GABRR1: variants seen among roughly 807,000 people sequenced by gnomAD.
GABRR1 encodes the protein gamma-aminobutyric acid receptor subunit rho-1.
In GABRR1, 59 loss-of-function variants were observed where a neutral mutation model predicts 55.5. The ratio of observed to expected loss-of-function variants is 1.06; its 90% CI spans 0.86 to 1.32. The LOEUF (loss-of-function observed/expected upper bound fraction) is 1.32. GABRR1 is among the 40% of genes most tolerant of loss of function. The pLI, the probability that GABRR1 is intolerant of heterozygous loss-of-function variation, is 0.00. For missense variants in GABRR1, 602 were observed against 619.1 expected (o/e 0.97, Z 0.29); for synonymous variants, 213 against 226.0 (o/e 0.94, Z 0.51).
intron 6 of GABRR1, among the ~76,000 whole-genome samples, chr6:89,187,213 G>A (rs1771932692): frequency 6.6e-6 from 1 of 152,026 alleles, no homozygotes; most frequent in Admixed American, 6.6e-5. Flanking sequence ...TGGGGGGTGT[G>A]TGTGTGTGTG....
chr6:89,184,885 C>CTTTTT (rs754802888), intron 7 of GABRR1, among the ~76,000 whole-genome samples: 4 of 123,736 alleles, frequency 3.2e-5, no homozygotes, highest in Non-Finnish European at 3.3e-5. Context: ...TCTTTTCTTT[C>CTTTTT]TTTTTTTTTT....
chr6:89,194,012 C>T (rs751447630), intron 5 of GABRR1, among the ~76,000 whole-genome samples: 2 of 152,156 alleles, frequency 1.3e-5, no homozygotes, highest in African/African-American at 2.4e-5. Flanking sequence ...AGATTCCCTA[C>T]CTTCTTAGGT....
chr6:89,201,189 G>A lies in GABRR1; in HGVS notation c.250C>T (p.His84Tyr). ...AAGCCAGGCCTCATGCTGAAATCATGGTCATCTATCCTCAGAAGCTGTTCT... is the reference window on the plus strand; with the variant it reads ...AAGCCAGGCCTCATGCTGAAATCATAGTCATCTATCCTCAGAAGCTGTTCT... ...KSEQLLRIDD[H>Y]DFSMRPGFGG... The change falls in exon 3 of 10, where the codon CAT becomes TAT. Residue 84 changes from histidine (H) to tyrosine (Y), a missense_variant. Around this residue, in one of 3 missense-constraint regions of GABRR1, gnomAD observed 435 missense variants for 424.2 expected, o/e 1.03. Transcript: ENST00000454853. 2 of 1,614,010 alleles carry A rather than the reference G, an allele frequency of 1.2e-6. No individual in the cohort carries two copies. Among genetic ancestry groups the A allele is most frequent in the African/African-American group, 1.3e-5 (1 of 75,048 alleles).
At chr6:89,211,162 G>C (rs1772823235) in intron 1 of GABRR1, among the ~76,000 whole-genome samples, 1 of 152,124 alleles carries the variant, frequency 6.6e-6, no homozygotes, top group South Asian at 2.1e-4. Flanking sequence ...TTTCTGGGGA[G>C]CAGAGGGACA....
At chr6:89,196,588 T>G (rs761235551) in intron 5 of GABRR1, among the ~76,000 whole-genome samples, 17 of 151,992 alleles carry the variant, frequency 1.1e-4, no homozygotes, top group Non-Finnish European at 2.5e-4. Context: ...CTGAGCAACA[T>G]AGGGACATTC....
rs1180129378 is a variant in GABRR1, at chr6:89,181,929, C to G, written c.925G>C (p.Ala309Pro). ...SWVSFWIDRR[A>P]VPARVPLGIT... ...CCTAAGGGGACTCTGGCAGGCACGG[C>G]TCTGCGGTCGATCCAGAAGGACACC... is the stretch of plus-strand genomic sequence containing the variant. The change falls in exon 8 of 10, where the codon GCC (alanine) becomes CCC (proline). Residue 309 changes from alanine (A) to proline (P), a missense_variant. By Grantham distance (27) the Ala-to-Pro change is conservative. Coordinates refer to ENST00000454853, the MANE Select transcript of GABRR1 (RefSeq NM_002042.5). The G allele has an allele frequency of 3.7e-6, 6 of 1,613,752 alleles. No homozygotes were observed. In the Admixed American group the frequency reaches 1.0e-4, roughly 27 times the overall value.
chr6:89,184,297 C>G (rs2183648), intron 7 of GABRR1, among the ~76,000 whole-genome samples: 43,562 of 148,354 alleles, frequency 0.29, 6,697 homozygotes, highest in Non-Finnish European at 0.33. Context: ...TACAATTCAT[C>G]GATGTAATCA....
At chr6:89,186,699 A>T (rs1161583216) in intron 6 of GABRR1, among the ~76,000 whole-genome samples, 1 of 152,254 alleles carries the variant, frequency 6.6e-6, no homozygotes, top group East Asian at 1.9e-4. Flanking sequence ...TCAGTATTTC[A>T]GTCTGGCTCT....
chr6:89,222,877 G>A (rs771027708), intron 1 of GABRR1, among the ~76,000 whole-genome samples: 8 of 152,126 alleles, frequency 5.3e-5, no homozygotes, highest in Non-Finnish European at 8.8e-5. Flanking sequence ...CCAGCCCAGC[G>A]TTCCACAACA....
At chr6:89,182,832 G>A (rs1233304703) in intron 7 of GABRR1, among the ~76,000 whole-genome samples, 1 of 151,742 alleles carries the variant, frequency 6.6e-6, no homozygotes, top group Admixed American at 6.6e-5. Context: ...AGCTATGATC[G>A]CCCACTGCAC....
chr6:89,220,652 G>T (rs1473313662), upstream of GABRR1, among the ~76,000 whole-genome samples: 1 of 152,196 alleles, frequency 6.6e-6, no homozygotes, highest in Admixed American at 6.5e-5. Flanking sequence ...ACCAGTTAGG[G>T]CCAGCATCAG....
At chr6:89,193,428 T>G (rs780460314) in intron 5 of GABRR1, among the ~76,000 whole-genome samples, 42 of 152,152 alleles carry the variant, frequency 2.8e-4, no homozygotes, top group Non-Finnish European at 4.9e-4. Context: ...ACTCATCACT[T>G]TATTTGCAAT....
At chr6:89,180,729 A>G in intron 8 of GABRR1, among the ~76,000 whole-genome samples, 1 of 152,148 alleles carries the variant, frequency 6.6e-6, no homozygotes, top group East Asian at 1.9e-4. Context: ...TATTCATCGT[A>G]GCATCTGTGT....
In GABRR1 at chr6:89,199,414, A is replaced by G; in HGVS notation, c.296T>C (p.Val99Ala). 6.2e-7 allele frequency: 1 copy of G among 1,613,970 alleles called. No homozygotes were observed. The highest frequency in any genetic ancestry group is 8.5e-7 in the Non-Finnish European group (1 of 1,179,896). ...ACTCTCCACCTGCACATCCACACCA[A>G]CAGGAATGGCAGGGCCTGGGGACAG... ...RPGFGGPAIP[V>A]GVDVQVESLD... The change falls in exon 4 of 10, where the codon GTT becomes GCT. Residue 99 changes from valine to alanine, a missense_variant. This residue lies in a region of GABRR1 where 435 missense variants were observed against 424.2 expected (regional missense o/e 1.03). Transcript: ENST00000454853.
At chr6:89,194,404 T>A (rs1469882985) in intron 5 of GABRR1, among the ~76,000 whole-genome samples, 1 of 152,056 alleles carries the variant, frequency 6.6e-6, no homozygotes, top group Non-Finnish European at 1.5e-5. Flanking sequence ...ACAGATTCAC[T>A]AAGCAAATAT....
chr6:89,178,701 C>A lies in GABRR1; in HGVS notation c.*69G>T. Reference sequence around the variant, plus strand: ...TTTTTTTTAACCATATCCTTAAATACTTTTTCATTATACAGTTATTTCTGT... The same window carrying A: ...TTTTTTTTAACCATATCCTTAAATAATTTTTCATTATACAGTTATTTCTGT... On this transcript the variant is annotated 3_prime_UTR_variant, in exon 10 of 10. Transcript: ENST00000454853. 1 of 1,387,566 alleles carries A rather than the reference C, an allele frequency of 7.2e-7. No homozygotes were observed. Among genetic ancestry groups the A allele is most frequent in the Non-Finnish European group, 1.0e-6 (1 of 996,766 alleles). The allele number at this position is 1,387,566 out of a possible 1,614,324, so 86.0% of individuals were successfully genotyped here. A position where few individuals can be genotyped will look rare whatever the true frequency, so the allele number is the denominator to read the frequency against.
At chr6:89,217,690 G>C (rs1205327668), upstream of GABRR1, 1 of 196,016 alleles carries the variant, frequency 5.1e-6, no homozygotes, top group Non-Finnish European at 1.1e-5. Flanking sequence ...ATTTCCAAGA[G>C]GAGTAAGGCC....
intron 1 of GABRR1, among the ~76,000 whole-genome samples, chr6:89,215,135 G>A (rs1220150254): frequency 1.3e-5 from 2 of 152,204 alleles, no homozygotes; most frequent in East Asian, 3.8e-4. Context: ...CTAGATGGAG[G>A]TTCCTCTAAA....
chr6:89,201,390 G>A (rs1455230386), intron 2 of GABRR1, 125 bp from the exon 3 acceptor site: 5 of 640,558 alleles, frequency 7.8e-6, no homozygotes, highest in South Asian at 1.9e-5. Context: ...TAAGCTATTG[G>A]ACATCCCCTC....
Sources: allele counts gnomAD v4.1 joint callset (sites outside exome capture counted in the v4.1 genomes callset), GRCh38; gene constraint gnomAD v4.1.1; regional missense constraint gnomAD v4.1.1; transcripts MANE v1.5; gene names NCBI Gene and HGNC (gene_info 2026-07-23, HGNC 2026-07-21).